The following SH3KBP1 variants were observed in gnomAD, a reference collection of about 807,000 sequenced individuals.
SH3KBP1 encodes the protein SH3 domain containing kinase binding protein 1.
In SH3KBP1, 8 loss-of-function variants were observed where a neutral mutation model predicts 50.1. That is an observed-to-expected ratio of 0.16 (90% CI 0.09 to 0.29). The LOEUF is 0.29. SH3KBP1 is among the 10% of genes least tolerant of loss of function. The probability of loss-of-function intolerance (pLI) is 1.00; values close to 1 mark genes in which losing one functional copy is unlikely to be tolerated. For missense variants in SH3KBP1, 377 were observed against 535.2 expected (o/e 0.70, Z 2.92); for synonymous variants, 227 against 218.6 (o/e 1.04, Z -0.34).
intron 6 of SH3KBP1, among the ~76,000 whole-genome samples, chrX:19,675,865 G>A (rs189173394): frequency 9.0e-6 from 1 of 111,712 alleles, no homozygotes; most frequent in East Asian, 2.8e-4. Context: ...GAATAATCCT[G>A]TAATACTGGT....
At chrX:19,749,303 A>C (rs1047307400) in intron 2 of SH3KBP1, among the ~76,000 whole-genome samples, 4 of 112,600 alleles carry the variant, frequency 3.6e-5, no homozygotes, top group African/African-American at 9.7e-5. Flanking sequence ...ACTCAAAAGC[A>C]TTGAAAGCAG....
At chrX:19,629,969 G>A (rs752195366) in intron 8 of SH3KBP1, among the ~76,000 whole-genome samples, 1 of 111,816 alleles carries the variant, frequency 8.9e-6, no homozygotes, top group Non-Finnish European at 1.9e-5. Context: ...TCTGACTAAG[G>A]TCATTAGAAA....
intron 2 of SH3KBP1, among the ~76,000 whole-genome samples, chrX:19,767,874 T>TC (rs370280697): frequency 1.2e-4 from 13 of 110,239 alleles, no homozygotes; most frequent in African/African-American, 3.6e-4. Context: ...ACATCCTCCC[T>TC]CCCCCCACAC....
chrX:19,679,285 C>T (rs112539346), intron 6 of SH3KBP1, among the ~76,000 whole-genome samples: 4,248 of 112,154 alleles, frequency 0.038, 94 homozygotes, highest in Non-Finnish European at 0.062. Flanking sequence ...GTCTCCCTCA[C>T]GACTGTATCC....
rs1287810571 is a variant in SH3KBP1, at chrX:19,589,948, C to T, written c.1139-1146G>A. On this transcript the variant is annotated intron_variant, in intron 11 of 17. Transcript: ENST00000397821. The stretch of plus-strand genomic sequence containing the variant: ...CAGCCTGGGCAACACAGTAAAACCC[C>T]GTCTCTACAAAAACTAGCCGGGCAT... Among the ~76,000 whole-genome samples, 5 of 109,928 alleles carry T rather than the reference C, an allele frequency of 4.5e-5. No individual in the cohort carries two copies. In the East Asian group the frequency reaches 1.2e-3, roughly 25 times the overall value.
chrX:19,659,358 G>A (rs758103155), intron 6 of SH3KBP1, among the ~76,000 whole-genome samples: 4 of 109,838 alleles, frequency 3.6e-5, no homozygotes, highest in South Asian at 3.9e-4. Context: ...CAGGTGATCC[G>A]CCCGCCTTGG....
intron 1 of SH3KBP1, among the ~76,000 whole-genome samples, chrX:19,852,636 G>GA (rs760707711): frequency 0.21 from 10,759 of 51,855 alleles, 850 homozygotes; most frequent in Admixed American, 0.3. Flanking sequence ...TAGCTGCACA[G>GA]AAAAAAAAAA....
intron 9 of SH3KBP1, among the ~76,000 whole-genome samples, chrX:19,603,375 G>A (rs763943167): frequency 4.4e-4 from 50 of 112,474 alleles, no homozygotes; most frequent in Non-Finnish European, 7.9e-4. Flanking sequence ...AGACCTCTGC[G>A]TTCCAGACTG....
chrX:19,569,509 G>A (rs1281972778), intron 12 of SH3KBP1, among the ~76,000 whole-genome samples: 1 of 112,771 alleles, frequency 8.9e-6, no homozygotes, highest in Non-Finnish European at 1.9e-5. Flanking sequence ...CTGCCCTGCG[G>A]CCAAATAAAC....
Position 19,635,846 on chromosome X carries a change from G to C in SH3KBP1, c.803-3888C>G, listed in dbSNP as rs1443873847. 2.7e-5 allele frequency among the ~76,000 whole-genome samples: 3 copies of C among 111,188 alleles called. No individual in the cohort carries two copies. The East Asian group carries it at 8.5e-4, about 31-fold the overall frequency. ...GGGGAGGAGAATGGCAGAAAGAAAA[G>C]ACAAAGCCATGCATACACATAAACT... On this transcript the variant is annotated intron_variant, in intron 7 of 17. Coordinates refer to ENST00000397821, the MANE Select transcript of SH3KBP1 (RefSeq NM_031892.3).
intron 5 of SH3KBP1, among the ~76,000 whole-genome samples, chrX:19,684,429 CTA>C (rs1266962242): frequency 9.0e-6 from 1 of 111,682 alleles, no homozygotes; most frequent in African/African-American, 3.3e-5. Flanking sequence ...CCTCCAATCT[CTA>C]TGACTCATGT....
intron 3 of SH3KBP1, among the ~76,000 whole-genome samples, chrX:19,729,261 T>C (rs2064308102): frequency 8.8e-6 from 1 of 113,208 alleles, no homozygotes; most frequent in African/African-American, 3.2e-5. Context: ...AGTACAAAGC[T>C]GACACTCATC....
chrX:19,742,613 C>G (rs193185030), intron 3 of SH3KBP1, among the ~76,000 whole-genome samples: 2 of 111,245 alleles, frequency 1.8e-5, no homozygotes, highest in Admixed American at 1.9e-4. Flanking sequence ...ACTCTTGTTG[C>G]CCAGGCTGGA....
At chrX:19,810,346 G>T (rs1254795300) in intron 2 of SH3KBP1, among the ~76,000 whole-genome samples, 1 of 112,711 alleles carries the variant, frequency 8.9e-6, no homozygotes, top group East Asian at 2.8e-4. Context: ...ATCTTCGTGT[G>T]ACTTTCATTA....
chrX:19,850,373 G>A (rs921096295), intron 1 of SH3KBP1, among the ~76,000 whole-genome samples: 17 of 110,819 alleles, frequency 1.5e-4, no homozygotes, highest in African/African-American at 5.3e-4. Context: ...TAGTAGAGAC[G>A]GGGTTTTACC....
At chrX:19,637,114 A>G (rs928428618) in intron 7 of SH3KBP1, among the ~76,000 whole-genome samples, 1 of 112,463 alleles carries the variant, frequency 8.9e-6, no homozygotes, top group Non-Finnish European at 1.9e-5. Flanking sequence ...GAAAGGAAAT[A>G]TACTGCATAT....
chrX:19,700,617 A>T, intron 4 of SH3KBP1, among the ~76,000 whole-genome samples: 1 of 112,333 alleles, frequency 8.9e-6, no homozygotes, highest in Non-Finnish European at 1.9e-5. Flanking sequence ...ATATCGCTGA[A>T]AATAATACAA....
At chrX:19,660,235 A>C (rs2062413994) in intron 6 of SH3KBP1, among the ~76,000 whole-genome samples, 1 of 112,501 alleles carries the variant, frequency 8.9e-6, no homozygotes, top group Non-Finnish European at 1.9e-5. Flanking sequence ...TACATCTCAT[A>C]GGTTTTCTAG....
intron 6 of SH3KBP1, among the ~76,000 whole-genome samples, chrX:19,676,063 CCAA>C (rs1222306838): frequency 8.9e-6 from 1 of 111,761 alleles, no homozygotes; most frequent in African/African-American, 3.3e-5. Context: ...CACAGGTTTT[CCAA>C]CAACTCAAGA....
Sources: allele counts gnomAD v4.1 joint callset (sites outside exome capture counted in the v4.1 genomes callset), GRCh38; gene constraint gnomAD v4.1.1; transcripts MANE v1.5; gene names NCBI Gene and HGNC (gene_info 2026-07-23, HGNC 2026-07-21).